The following TRERF1 variants were observed in gnomAD, a reference collection of about 807,000 sequenced individuals.
The protein encoded by TRERF1 is transcriptional regulating factor 1, also known as transcriptional-regulating factor 1.
Under a neutral mutation model 122.9 loss-of-function variants are expected in TRERF1, and 27 were observed. The ratio of observed to expected loss-of-function variants is 0.22; its 90% confidence interval spans 0.16 to 0.30. The LOEUF is 0.30. Among genes scored for constraint, TRERF1 ranks in the 10% least tolerant of loss-of-function variants. The pLI, the probability that TRERF1 is intolerant of heterozygous loss-of-function variation, is 1.00. For synonymous variants in TRERF1, 636 were observed against 641.7 expected (o/e 0.99, Z 0.13); for missense variants, 1,248 against 1,560.3 (o/e 0.80, Z 3.37).
In TRERF1 at chr6:42,268,184, C is replaced by G; in HGVS notation, c.1407G>C (p.Gln469His). Residue 469 changes from glutamine to histidine, a missense_variant, in exon 5 of 18, where the codon CAG (glutamine) becomes CAC (histidine). By Grantham distance (24) the Gln-to-His change is conservative. Transcript: ENST00000372922. This position sits in a 1 kb window ranked among gnomAD's most constrained non-coding sequence, Gnocchi z 4.4. ...GCCACATGGCACTGGGAGACAGCTGCTGATGCTGAGGCCCCATGTTGTTGA... is the reference window on the plus strand; with the variant it reads ...GCCACATGGCACTGGGAGACAGCTGGTGATGCTGAGGCCCCATGTTGTTGA... The G allele has an allele frequency of 1.4e-6, 2 of 1,463,218 alleles. No homozygotes were observed. The highest frequency in any genetic ancestry group is 1.8e-6 in the Non-Finnish European group (2 of 1,106,234). The allele number at this position is 1,463,218 out of a possible 1,614,324, so 90.6% of individuals were successfully genotyped here. A position where few individuals can be genotyped will look rare whatever the true frequency, so the allele number is the denominator to read the frequency against.
At chr6:42,364,523 A>G (rs1353106048) in intron 2 of TRERF1, among the ~76,000 whole-genome samples, 1 of 152,252 alleles carries the variant, frequency 6.6e-6, no homozygotes, top group African/African-American at 2.4e-5. Flanking sequence ...AAGACTTTGT[A>G]TGATGGAATC....
At chr6:42,292,425 G>A (rs1158965753) in intron 4 of TRERF1, among the ~76,000 whole-genome samples, 1 of 152,144 alleles carries the variant, frequency 6.6e-6, no homozygotes. Flanking sequence ...TGTGTCCAGG[G>A]CACATTCATT....
chr6:42,339,418 G>C (rs1196256186), intron 3 of TRERF1, among the ~76,000 whole-genome samples: 1 of 152,090 alleles, frequency 6.6e-6, no homozygotes, highest in African/African-American at 2.4e-5. Flanking sequence ...TATAATAGCA[G>C]GGTCGGAAAA....
At chr6:42,312,388 C>T (rs749420672) in intron 3 of TRERF1, among the ~76,000 whole-genome samples, 1 of 152,176 alleles carries the variant, frequency 6.6e-6, no homozygotes, top group Non-Finnish European at 1.5e-5. Flanking sequence ...AAGCGGGGAG[C>T]CCCTACTTTA....
At chr6:42,256,022 T>C (rs6458279) in intron 12 of TRERF1, among the ~76,000 whole-genome samples, 83 of 149,980 alleles carry the variant, frequency 5.5e-4, no homozygotes, top group Non-Finnish European at 9.0e-4. Flanking sequence ...TTCCAGCTAC[T>C]AGGAAGGCTG....
chr6:42,322,657 C>G (rs1335379313), intron 3 of TRERF1, among the ~76,000 whole-genome samples: 1 of 151,970 alleles, frequency 6.6e-6, no homozygotes, highest in Non-Finnish European at 1.5e-5. Context: ...ATTAAGGCAA[C>G]CAGCAATATA....
intron 2 of TRERF1, among the ~76,000 whole-genome samples, chr6:42,394,388 G>A (rs1436049343): frequency 1.3e-5 from 2 of 152,190 alleles, no homozygotes; most frequent in Admixed American, 1.3e-4. Context: ...AGAGAAGCCA[G>A]GCACAGCCAG....
chr6:42,243,227 C>T (rs771535473), intron 15 of TRERF1, 21 bp downstream of exon 15: 1 of 1,606,354 alleles, frequency 6.2e-7, no homozygotes, highest in Admixed American at 1.7e-5. Context: ...GCACAAGCAA[C>T]AACTTAGCAG....
intron 2 of TRERF1, among the ~76,000 whole-genome samples, chr6:42,444,395 A>C (rs147771197): frequency 2.3e-3 from 353 of 152,240 alleles, no homozygotes; most frequent in Non-Finnish European, 3.5e-3. Context: ...TAACGCAGTC[A>C]AATGTTCAGA....
intron 3 of TRERF1, among the ~76,000 whole-genome samples, chr6:42,344,506 T>G (rs1767902618): frequency 6.6e-6 from 1 of 152,190 alleles, no homozygotes; most frequent in South Asian, 2.1e-4. Flanking sequence ...CTTTGGAAAC[T>G]GTAATATGGT....
intron 8 of TRERF1, among the ~76,000 whole-genome samples, chr6:42,261,594 G>A (rs1179406407): frequency 2.0e-5 from 3 of 152,136 alleles, no homozygotes; most frequent in Non-Finnish European, 2.9e-5. Flanking sequence ...GGAGGAAACT[G>A]AGGCTGTGAG....
chr6:42,248,516 C>T (rs1044048181), intron 13 of TRERF1, among the ~76,000 whole-genome samples: 14 of 152,026 alleles, frequency 9.2e-5, no homozygotes, highest in African/African-American at 3.4e-4. Context: ...CCACACCTGG[C>T]TAATTTTTGT....
intron 14 of TRERF1, among the ~76,000 whole-genome samples, chr6:42,244,116 A>G (rs1774313676): frequency 6.6e-6 from 1 of 151,510 alleles, no homozygotes; most frequent in South Asian, 2.1e-4. Context: ...CCTGACCTCA[A>G]GTGATCCTCC....
chr6:42,434,642 A>C (rs1237075236), intron 2 of TRERF1, among the ~76,000 whole-genome samples: 1 of 148,672 alleles, frequency 6.7e-6, no homozygotes, highest in Non-Finnish European at 1.5e-5. Flanking sequence ...AACTGGGAGA[A>C]CTGGAACACC....
At chr6:42,426,556 C>T (rs1183737648) in intron 2 of TRERF1, among the ~76,000 whole-genome samples, 1 of 152,206 alleles carries the variant, frequency 6.6e-6, no homozygotes, top group Non-Finnish European at 1.5e-5. Flanking sequence ...AGAATGAAAA[C>T]TCCATGTGGG....
intron 4 of TRERF1, among the ~76,000 whole-genome samples, chr6:42,279,603 C>T (rs560328536): frequency 2.0e-5 from 3 of 152,312 alleles, no homozygotes; most frequent in South Asian, 2.1e-4. Context: ...CCACACCTAG[C>T]GTCATGGGGC....
At chr6:42,331,225 C>G (rs1765184606) in intron 3 of TRERF1, among the ~76,000 whole-genome samples, 1 of 152,130 alleles carries the variant, frequency 6.6e-6, no homozygotes, top group Non-Finnish European at 1.5e-5. Context: ...AGGGAGACCA[C>G]AAATGGATGG....
chr6:42,442,335 G>A (rs1786678179), intron 2 of TRERF1, among the ~76,000 whole-genome samples: 3 of 152,096 alleles, frequency 2.0e-5, no homozygotes, highest in African/African-American at 7.2e-5. Flanking sequence ...GGAGGCCCTA[G>A]GAGCAGCCTC....
At chr6:42,289,939 G>A (rs1784012689) in intron 4 of TRERF1, among the ~76,000 whole-genome samples, 2 of 152,204 alleles carry the variant, frequency 1.3e-5, no homozygotes, top group Non-Finnish European at 2.9e-5. Flanking sequence ...GGAGGAGTCA[G>A]ATGTGACCTA....
Sources: allele counts gnomAD v4.1 joint callset (sites outside exome capture counted in the v4.1 genomes callset), GRCh38; gene constraint gnomAD v4.1.1; non-coding constraint Gnocchi (gnomAD v3.1); transcripts MANE v1.5; gene names NCBI Gene and HGNC (gene_info 2026-07-23, HGNC 2026-07-21).